Variants in CDKAL1 observed in about 807,000 individuals in gnomAD.
CDKAL1 encodes the protein CDKAL1 threonylcarbamoyladenosine tRNA methylthiotransferase.
A neutral mutation model predicts 68.2 loss-of-function variants in CDKAL1; 32 were observed. The observed-to-expected ratio is 0.47, with a 90% CI of 0.35 to 0.63. The LOEUF (loss-of-function observed/expected upper bound fraction) is 0.63. Among genes scored for constraint, CDKAL1 ranks in the 30% least tolerant of loss-of-function variants. The pLI is 0.00. For missense variants in CDKAL1, 606 were observed against 696.7 expected (o/e 0.87, Z 1.47); for synonymous variants, 234 against 244.3 (o/e 0.96, Z 0.39).
intron 15 of CDKAL1, among the ~76,000 whole-genome samples, chr6:21,219,027 A>G (rs1016703203): frequency 1.3e-5 from 2 of 152,168 alleles, no homozygotes; most frequent in Admixed American, 1.3e-4. Flanking sequence ...ATAGAAAGGG[A>G]GAATGGGCAT....
chr6:21,080,529 A>C (rs780280116), intron 12 of CDKAL1, among the ~76,000 whole-genome samples: 1 of 152,132 alleles, frequency 6.6e-6, no homozygotes, highest in African/African-American at 2.4e-5. Flanking sequence ...TATCTTTTTT[A>C]AGAGCGTGCT....
chr6:21,136,872 T>G (rs549287646), intron 13 of CDKAL1, among the ~76,000 whole-genome samples: 1 of 152,200 alleles, frequency 6.6e-6, no homozygotes, highest in South Asian at 2.1e-4. Flanking sequence ...TGTTATTTCT[T>G]TGGACGCCTT....
At chr6:21,196,038 T>G (rs1467408944) in intron 13 of CDKAL1, among the ~76,000 whole-genome samples, 2 of 152,230 alleles carry the variant, frequency 1.3e-5, no homozygotes, top group Non-Finnish European at 2.9e-5. Context: ...ACATAGCAAG[T>G]CTTTTTAACT....
chr6:21,003,343 AATATATATATATAT>A lies in CDKAL1; in HGVS notation c.1055+2987_1055+3000del, dbSNP rs71540608. On this transcript the variant is annotated intron_variant, in intron 11 of 15. Transcript: ENST00000274695. ...CAACATGGTGAAACCATCTCTACTA[AATATATATATATAT>A]ATATATATATATATACACACACACA... 3.7e-4 allele frequency among the ~76,000 whole-genome samples: 15 copies of A among 40,450 alleles called. 1 individual carries two copies. Among genetic ancestry groups the A allele is most frequent in the Admixed American group, 7.1e-4 (2 of 2,802 alleles). 26.5% of individuals were successfully genotyped at this position (40,450 alleles called of 152,430 possible). A position where few individuals can be genotyped will look rare whatever the true frequency, so the allele number is the denominator to read the frequency against.
intron 12 of CDKAL1, among the ~76,000 whole-genome samples, chr6:21,086,520 G>A (rs1391636246): frequency 6.6e-6 from 1 of 152,172 alleles, no homozygotes; most frequent in Non-Finnish European, 1.5e-5. Context: ...CAGCGCCTAG[G>A]TGGGTGAACT....
At chr6:21,086,555 A>T (rs1453922179) in intron 12 of CDKAL1, among the ~76,000 whole-genome samples, 1 of 152,176 alleles carries the variant, frequency 6.6e-6, no homozygotes, top group Non-Finnish European at 1.5e-5. Context: ...GCGAACACCG[A>T]AGTCCTGGCT....
rs112122227 is a variant in CDKAL1, at chr6:20,704,430, A to G, written c.372-35089A>G. The stretch of plus-strand genomic sequence containing the variant: ...AAATAAGGTAATGAGTAATGGGAAT[A>G]TTTGAGAAAAGAACATTCTAGACAG... On this transcript the variant is annotated intron_variant, in intron 5 of 15. Transcript: ENST00000274695. Among the ~76,000 whole-genome samples the G allele has an allele frequency of 8.0e-3, 1,217 of 152,300 alleles. 18 individuals carry two copies. The highest frequency in any genetic ancestry group is 0.027 in the African/African-American group (1,134 of 41,560).
intron 9 of CDKAL1, among the ~76,000 whole-genome samples, chr6:20,886,227 T>C (rs1031914690): frequency 6.6e-6 from 1 of 152,134 alleles, no homozygotes; most frequent in African/African-American, 2.4e-5. Flanking sequence ...AAAAACAAAA[T>C]AGAAACTAAG....
intron 4 of CDKAL1, among the ~76,000 whole-genome samples, chr6:20,606,046 C>G (rs138967053): frequency 6.6e-6 from 1 of 152,286 alleles, no homozygotes; most frequent in Non-Finnish European, 1.5e-5. Flanking sequence ...AAGCAGTAAG[C>G]TGGGGCAATT....
chr6:20,652,612 C>G (rs181844383), intron 5 of CDKAL1, among the ~76,000 whole-genome samples: 1 of 152,248 alleles, frequency 6.6e-6, no homozygotes, highest in Non-Finnish European at 1.5e-5. Context: ...GCCCCCTGTG[C>G]CCCTGTTAGC....
At chr6:21,192,240 C>G (rs1459478110) in intron 13 of CDKAL1, among the ~76,000 whole-genome samples, 1 of 150,562 alleles carries the variant, frequency 6.6e-6, no homozygotes, top group Non-Finnish European at 1.5e-5. Flanking sequence ...CCAGGATGGT[C>G]TCGATCTCCT....
chr6:20,613,546 A>G (rs1033717810), intron 4 of CDKAL1, among the ~76,000 whole-genome samples: 1 of 150,838 alleles, frequency 6.6e-6, no homozygotes, highest in African/African-American at 2.4e-5. Context: ...AAGTGCTGAG[A>G]TTACATGTGT....
At position 21,050,212 on chromosome 6, in the gene CDKAL1, T is replaced by G. The variant is rs114130953; in HGVS notation, c.1056-14836T>G. 3.9e-3 allele frequency among the ~76,000 whole-genome samples: 589 copies of G among 152,386 alleles called. 8 individuals are homozygous for G. The highest frequency in any genetic ancestry group is 0.014 in the African/African-American group (565 of 41,588). On this transcript the variant is annotated intron_variant, in intron 11 of 15. Coordinates refer to ENST00000274695, the MANE Select transcript of CDKAL1 (RefSeq NM_017774.3). Reference sequence around the variant, plus strand: ...CATCTTTGATTATAAATATTATGTATAATTAATATGTTAGTTGTATTTTAG... The same window carrying G: ...CATCTTTGATTATAAATATTATGTAGAATTAATATGTTAGTTGTATTTTAG...
chr6:21,194,226 C>A (rs770453889), intron 13 of CDKAL1, among the ~76,000 whole-genome samples: 6 of 152,340 alleles, frequency 3.9e-5, no homozygotes, highest in Admixed American at 1.3e-4. Context: ...TTGTCAGGGA[C>A]AAACCATAGC....
chr6:20,896,343 C>T lies in CDKAL1; in HGVS notation c.742+50165C>T, dbSNP rs187972068. Reference sequence around the variant, plus strand: ...TCGATCTCTTGACCTCATGATCCACCCACCTTGGCTTCCCAGAGTGCTGGG... The same window carrying T: ...TCGATCTCTTGACCTCATGATCCACTCACCTTGGCTTCCCAGAGTGCTGGG... On this transcript the variant is annotated intron_variant, in intron 9 of 15. Coordinates refer to ENST00000274695, the MANE Select transcript of CDKAL1 (RefSeq NM_017774.3). 3.4e-3 allele frequency among the ~76,000 whole-genome samples: 517 copies of T among 152,156 alleles called. 2 individuals are homozygous for T. The highest frequency in any genetic ancestry group is 0.01 in the Middle Eastern group (3 of 294).
intron 5 of CDKAL1, among the ~76,000 whole-genome samples, chr6:20,655,687 C>A (rs552754378): frequency 2.3e-4 from 35 of 152,248 alleles, no homozygotes; most frequent in African/African-American, 8.2e-4. Context: ...CACCCCAACA[C>A]CACACCTCCC....
intron 4 of CDKAL1, among the ~76,000 whole-genome samples, chr6:20,563,628 T>A (rs1764351113): frequency 6.6e-6 from 1 of 151,620 alleles, no homozygotes; most frequent in African/African-American, 2.4e-5. Flanking sequence ...ATTACAGGCA[T>A]GAGCCACCAC....
intron 11 of CDKAL1, among the ~76,000 whole-genome samples, chr6:21,020,846 A>G (rs1204453199): frequency 6.6e-5 from 10 of 150,538 alleles, no homozygotes; most frequent in Admixed American, 6.6e-4. Context: ...CCTGGGCTCA[A>G]GCGATCCTTT....
rs1764733890 is a variant in CDKAL1, at chr6:20,955,483, C to G, written c.807C>G (p.Thr269=). ...DTGAYGRDIG[T]NLPTLLWKLV... ...GGGCTTATGGCAGAGATATTGGCACCAATCTCCCCACACTCCTGTGGAAAC... is the reference window on the plus strand; with the variant it reads ...GGGCTTATGGCAGAGATATTGGCACGAATCTCCCCACACTCCTGTGGAAAC... The change falls in exon 10 of 16, where the codon ACC becomes ACG. Residue 269 remains threonine (T), a synonymous_variant. Transcript: ENST00000274695. 6.2e-7 allele frequency: 1 copy of G among 1,614,010 alleles called. No homozygotes were observed. The highest frequency in any genetic ancestry group is 1.7e-5 in the Admixed American group (1 of 60,000).
Sources: gnomAD v4.1 joint callset for allele counts (sites outside exome capture counted in the v4.1 genomes callset) on GRCh38, gnomAD v4.1.1 for gene constraint, MANE v1.5 for transcripts, NCBI Gene and HGNC (gene_info 2026-07-23, HGNC 2026-07-21) for gene names.